The following MON1B variants were observed in gnomAD, a reference collection of about 807,000 sequenced individuals.
MON1B encodes the protein vacuolar fusion protein MON1 homolog B.
MON1B carries 26 observed loss-of-function variants against 45.1 expected under a neutral mutation model. That is an observed-to-expected ratio of 0.58 (90% CI 0.42 to 0.80). MON1B has a LOEUF of 0.80. Ranked by LOEUF, MON1B falls within the 30% of genes least tolerant of loss-of-function variation. MON1B has a pLI of 0.00. For synonymous variants in MON1B, 395 were observed against 320.2 expected (o/e 1.23, Z -2.49); for missense variants, 737 against 754.5 (o/e 0.98, Z 0.27).
intron 5 of MON1B, among the ~76,000 whole-genome samples, chr16:77,197,071 G>C (rs776507689): frequency 9.2e-5 from 14 of 151,900 alleles, no homozygotes; most frequent in Non-Finnish European, 1.9e-4. Flanking sequence ...GTAGAGATTG[G>C]AATTTTAAAA....
chr16:77,196,574 G>A (rs1201299127), intron 5 of MON1B, among the ~76,000 whole-genome samples: 2 of 151,972 alleles, frequency 1.3e-5, no homozygotes, highest in African/African-American at 2.4e-5. Flanking sequence ...TCAGGAGTTC[G>A]AGACCAGCCT....
chr16:77,194,890 A>T lies in MON1B; in HGVS notation c.1031A>T (p.Asp344Val), dbSNP rs2054649487. The T allele has an allele frequency of 6.2e-7, 1 of 1,612,720 alleles. No homozygotes were observed. Among genetic ancestry groups the T allele is most frequent in the South Asian group, 1.1e-5 (1 of 91,092 alleles). Residue 344 changes from aspartate to valine, a missense_variant, in exon 4 of 6, where the codon GAT becomes GTT. By Grantham distance (152) the Asp-to-Val change is radical (BLOSUM62 -3). Transcript: ENST00000248248. This position sits in a 1 kb window ranked among gnomAD's most constrained non-coding sequence, Gnocchi z 8.1. ...GFFYAYVARL[D>V]AMPVCLLLLG... ...TTCTACGCCTACGTGGCCCGCCTGG[A>T]TGCTATGCCTGTCTGCCTGCTGCTG...
intron 5 of MON1B, among the ~76,000 whole-genome samples, chr16:77,196,838 T>C (rs2054670123): frequency 6.6e-6 from 1 of 152,160 alleles, no homozygotes; most frequent in Non-Finnish European, 1.5e-5. Flanking sequence ...TCTATCAATA[T>C]TGTCTCATGG....
chr16:77,198,024 C>A (rs2054684008), intron 5 of MON1B, 84 bp from the exon 6 acceptor site: 8 of 1,370,668 alleles, frequency 5.8e-6, no homozygotes, highest in Non-Finnish European at 8.2e-6. Context: ...TTGCAGGAGG[C>A]AGACATGCAG....
chr16:77,195,046 G>A lies in MON1B; in HGVS notation c.1187G>A (p.Ser396Asn). The change falls in exon 4 of 6, where the codon AGT becomes AAT. Residue 396 changes from serine to asparagine, a missense_variant. Physicochemically the swap from Ser to Asn is conservative, Grantham distance 46 (BLOSUM62 1). Coordinates refer to ENST00000248248, the MANE Select transcript of MON1B (RefSeq NM_014940.4). ...AASFSNASSASAPAYSVQAVG... is the reference protein window; with the variant it reads ...AASFSNASSANAPAYSVQAVG... ...AGCTTCTCTAATGCCTCATCAGCCA[G>A]TGCTCCTGCCTACAGCGTGCAGGCT... 1 of 1,611,222 alleles carries A rather than the reference G, an allele frequency of 6.2e-7. No homozygotes were observed. Among genetic ancestry groups the A allele is most frequent in the Non-Finnish European group, 8.5e-7 (1 of 1,179,940 alleles).
Position 77,199,339 on chromosome 16 carries a change from G to T in MON1B, c.*1031G>T. On this transcript the variant is annotated 3_prime_UTR_variant, in exon 6 of 6. Coordinates refer to ENST00000248248, the MANE Select transcript of MON1B (RefSeq NM_014940.4). ...CCCAGAGCTGACTCCTGATTTAACCGCTGGCGTAACCGCGGGTTGCACGCA... is the reference window on the plus strand; with the variant it reads ...CCCAGAGCTGACTCCTGATTTAACCTCTGGCGTAACCGCGGGTTGCACGCA... 1 of 1,039,148 alleles carries T rather than the reference G, an allele frequency of 9.6e-7. No homozygotes were observed. Among genetic ancestry groups the T allele is most frequent in the Non-Finnish European group, 1.4e-6 (1 of 704,012 alleles). The allele number at this position is 1,039,148 out of a possible 1,614,324, so 64.4% of individuals were successfully genotyped here.
At position 77,200,746 on chromosome 16, in the gene MON1B, C is replaced by CAAAAAAAAAAAAAAAAAAAA. The variant is rs11344903; in HGVS notation, c.*2457_*2458insAAAAAAAAAAAAAAAAAAAA. The CAAAAAAAAAAAAAAAAAAAA allele has an allele frequency of 1.2e-5, 1 of 84,836 alleles. No homozygotes were observed. The highest frequency in any genetic ancestry group is 2.3e-5 in the Non-Finnish European group (1 of 42,850). The allele number at this position is 84,836 out of a possible 1,614,324, so 5.3% of individuals were successfully genotyped here. On this transcript the variant is annotated 3_prime_UTR_variant, in exon 6 of 6. Transcript: ENST00000248248. ...ACTCCAGCGCGGAAGACAGAGTGAG[C>CAAAAAAAAAAAAAAAAAAAA]AAAAAAAAAAAAAAAAAAAGAAAAA... is the stretch of plus-strand genomic sequence containing the variant.
rs1317286470 is a variant in MON1B at position 77,199,358 on chromosome 16, G to C, written c.*1050G>C. The stretch of plus-strand genomic sequence containing the variant: ...TTAACCGCTGGCGTAACCGCGGGTT[G>C]CACGCATGCGTGCTGAAAAGCCTTT... On this transcript the variant is annotated 3_prime_UTR_variant, in exon 6 of 6. Coordinates refer to ENST00000248248, the MANE Select transcript of MON1B (RefSeq NM_014940.4). The C allele has an allele frequency of 7.8e-7, 1 of 1,281,434 alleles. No individual in the cohort carries two copies. The highest frequency in any genetic ancestry group is 1.1e-6 in the Non-Finnish European group (1 of 911,904). 79.4% of individuals were successfully genotyped at this position (1,281,434 alleles called of 1,614,324 possible).
intron 5 of MON1B, among the ~76,000 whole-genome samples, chr16:77,196,832 T>C (rs1483302484): frequency 6.6e-6 from 1 of 152,148 alleles, no homozygotes; most frequent in Non-Finnish European, 1.5e-5. Flanking sequence ...TAATTTTCTA[T>C]CAATATTGTC....
At chr16:77,197,520 T>C (rs747786051) in intron 5 of MON1B, among the ~76,000 whole-genome samples, 3 of 151,904 alleles carry the variant, frequency 2.0e-5, no homozygotes, top group Non-Finnish European at 4.4e-5. Context: ...GCTACGTGGA[T>C]ATTAGGAGGA....
rs1281690285 is a variant in MON1B, at chr16:77,201,533, C to G, written c.*3225C>G. ...GAAGAGAGCTGACTCAAAGTAAAGG[C>G]TTTGCTAGAGGCAGTCGGCAGAGTA... On this transcript the variant is annotated 3_prime_UTR_variant, in exon 6 of 6. Transcript: ENST00000248248. 1.3e-5 allele frequency: 2 copies of G among 152,168 alleles called. No individual in the cohort carries two copies. Among genetic ancestry groups the G allele is most frequent in the African/African-American group, 4.8e-5 (2 of 41,444 alleles). 9.4% of individuals were successfully genotyped at this position (152,168 alleles called of 1,614,324 possible). A position where few individuals can be genotyped will look rare whatever the true frequency, so the allele number is the denominator to read the frequency against.
rs749064171 is a variant in MON1B, at chr16:77,195,167, C to T, written c.1295+13C>T. On this transcript the variant is annotated intron_variant, in intron 4 of 5. Transcript: ENST00000248248. ...CCCAGTTTACCAGGTAGGCCCTGACCCTAAGGCAACTGGCTGGGTGGGAAG... is the reference window on the plus strand; with the variant it reads ...CCCAGTTTACCAGGTAGGCCCTGACTCTAAGGCAACTGGCTGGGTGGGAAG... The T allele has an allele frequency of 6.5e-7, 1 of 1,549,908 alleles. No homozygotes were observed. The highest frequency in any genetic ancestry group is 1.4e-5 in the African/African-American group (1 of 73,764).
Position 77,193,550 on chromosome 16 carries a change from A to G in MON1B, c.248A>G (p.Asn83Ser). The change falls in exon 3 of 6, where the codon AAT becomes AGT. Residue 83 changes from asparagine (N) to serine (S), a missense_variant. Transcript: ENST00000248248. This position sits in a 1 kb window ranked among gnomAD's most constrained non-coding sequence, Gnocchi z 5.0. ...SRLWSPAAPE[N>S]SPTCSPESSS... is the part of the protein sequence containing the mutation. ...CTCTGGAGTCCTGCAGCCCCTGAGA[A>G]TAGTCCCACATGTAGCCCTGAGAGT... is the stretch of plus-strand genomic sequence containing the variant. 1 of 1,613,958 alleles carries G rather than the reference A, an allele frequency of 6.2e-7. No individual in the cohort carries two copies. The highest frequency in any genetic ancestry group is 1.1e-5 in the South Asian group (1 of 91,084).
intron 5 of MON1B, among the ~76,000 whole-genome samples, chr16:77,196,953 C>T (rs1210921692): frequency 6.6e-6 from 1 of 152,176 alleles, no homozygotes; most frequent in Non-Finnish European, 1.5e-5. Flanking sequence ...CCAGGCTGAT[C>T]CCTGTGTCTC....
chr16:77,193,342 T>C lies in MON1B; in HGVS notation c.149-109T>C. 1 of 1,099,058 alleles carries C rather than the reference T, an allele frequency of 9.1e-7. No homozygotes were observed. The allele number at this position is 1,099,058 out of a possible 1,614,324, so 68.1% of individuals were successfully genotyped here. On this transcript the variant is annotated intron_variant, in intron 2 of 5. Coordinates refer to ENST00000248248, the MANE Select transcript of MON1B (RefSeq NM_014940.4). The surrounding 1 kb of genome is among the most constrained non-coding windows in gnomAD (Gnocchi z 5.0). ...CATAGGAGACACTTGGAGTTCTGCG[T>C]CAGCATGCAGGGGTCATGGAGGGGC...
chr16:77,199,261 C>T lies in MON1B; in HGVS notation c.*953C>T. The T allele has an allele frequency of 1.7e-6, 1 of 589,788 alleles. No homozygotes were observed. The highest frequency in any genetic ancestry group is 1.9e-5 in the African/African-American group (1 of 52,644). 36.5% of individuals were successfully genotyped at this position (589,788 alleles called of 1,614,324 possible). A position where few individuals can be genotyped will look rare whatever the true frequency, so the allele number is the denominator to read the frequency against. ...GCCCTTGTTTGTGGAGTTACAGCCT[C>T]AAGGTTGTAGCATGTGTGCTGGCAA... On this transcript the variant is annotated 3_prime_UTR_variant, in exon 6 of 6. Transcript: ENST00000248248.
chr16:77,192,738 C>A (rs2054626661), intron 2 of MON1B, among the ~76,000 whole-genome samples: 1 of 151,802 alleles, frequency 6.6e-6, no homozygotes. Context: ...ACTTGTGGAT[C>A]AGGGCAGTCA....
rs771779243 is a variant in MON1B, at chr16:77,193,878, T to C, written c.475+101T>C. 110 of 1,258,038 alleles carry C rather than the reference T, an allele frequency of 8.7e-5. No homozygotes were observed. Among genetic ancestry groups the C allele is most frequent in the Non-Finnish European group, 1.2e-4 (107 of 920,992 alleles). The allele number at this position is 1,258,038 out of a possible 1,614,324, so 77.9% of individuals were successfully genotyped here. The stretch of plus-strand genomic sequence containing the variant: ...CAGGCACTATCCAGCCAGCCAGGGT[T>C]GGGTCCATGTGTGTGGATGGTCAGC... On this transcript the variant is annotated intron_variant, in intron 3 of 5. Coordinates refer to ENST00000248248, the MANE Select transcript of MON1B (RefSeq NM_014940.4). This position sits in a 1 kb window ranked among gnomAD's most constrained non-coding sequence, Gnocchi z 5.0.
rs1158811038 is a variant in MON1B at position 77,199,479 on chromosome 16, G to A, written c.*1171G>A. ...GGCGGGGAAGCTGAAACCTCTGAATGTGGAGGCGCCAGAAGCTACTGAGGA... is the reference window on the plus strand; with the variant it reads ...GGCGGGGAAGCTGAAACCTCTGAATATGGAGGCGCCAGAAGCTACTGAGGA... On this transcript the variant is annotated 3_prime_UTR_variant, in exon 6 of 6. Transcript: ENST00000248248. 6.4e-7 allele frequency: 1 copy of A among 1,551,430 alleles called. No homozygotes were observed. The highest frequency in any genetic ancestry group is 1.4e-5 in the African/African-American group (1 of 73,054).
Sources: allele counts gnomAD v4.1 joint callset (sites outside exome capture counted in the v4.1 genomes callset), GRCh38; gene constraint gnomAD v4.1.1; non-coding constraint Gnocchi (gnomAD v3.1); transcripts MANE v1.5; gene names NCBI Gene and HGNC (gene_info 2026-07-23, HGNC 2026-07-21).